IRF8: variants seen among roughly 807,000 people sequenced by gnomAD.
The protein encoded by IRF8 is interferon regulatory factor 8, also known as interferon consensus sequence binding protein 1.
IRF8 carries 14 observed loss-of-function variants against 48.7 expected under a neutral mutation model. The ratio of observed to expected loss-of-function variants is 0.29; its 90% CI spans 0.19 to 0.45. The LOEUF (loss-of-function observed/expected upper bound fraction) is 0.45. IRF8 is among the 20% of genes least tolerant of loss of function. IRF8 has a pLI of 1.00. For missense variants in IRF8, 493 were observed against 580.7 expected, an observed-to-expected ratio of 0.85 and a Z score of 1.55; for synonymous variants, 278 against 227.3, an observed-to-expected ratio of 1.22 and a Z score of -2.01.
intron 7 of IRF8, among the ~76,000 whole-genome samples, chr16:85,919,276 GTGCTGCCTGT>G (rs571505404): frequency 1.6e-3 from 248 of 152,314 alleles, no homozygotes; most frequent in African/African-American, 5.6e-3. Context: ...CACACACTAA[GTGCTGCCTGT>G]TAGCTTTCGT....
intron 1 of IRF8, among the ~76,000 whole-genome samples, chr16:85,900,586 C>T (rs1904797045): frequency 6.6e-6 from 1 of 152,178 alleles, no homozygotes; most frequent in Admixed American, 6.5e-5. Flanking sequence ...TTCTCTGCAC[C>T]ATGTGTGAAA....
rs757846633 is a variant in IRF8 at position 85,913,222 on chromosome 16, A to G, written c.539A>G (p.Gln180Arg). ...CAGCTCCTTCCAGACTGGTGGGCGC[A>G]GCAGCCCAGCACAGGTGAGGGTGGG... Reference protein sequence around the residue: ...RSQLLPDWWAQQPSTGVPLVT... With the variant: ...RSQLLPDWWARQPSTGVPLVT... The change falls in exon 5 of 9, where the codon CAG becomes CGG. Residue 180 changes from glutamine (Q) to arginine (R), a missense_variant. Gln to Arg is a conservative substitution (Grantham distance 43, BLOSUM62 1). Transcript: ENST00000268638. 4.3e-6 allele frequency: 7 copies of G among 1,612,612 alleles called. No individual in the cohort carries two copies. The highest frequency in any genetic ancestry group is 5.9e-6 in the Non-Finnish European group (7 of 1,178,760).
At position 85,917,369 on chromosome 16, in the gene IRF8, G is replaced by C. The variant is rs570454561; in HGVS notation, c.602-1048G>C. 1.4e-4 allele frequency among the ~76,000 whole-genome samples: 21 copies of C among 152,324 alleles called. 1 individual carries two copies. The South Asian group carries it at 3.5e-3, about 26-fold the overall frequency. On this transcript the variant is annotated intron_variant, in intron 6 of 8. Transcript: ENST00000268638. ...ACATGTTATCTGCATTCCTACCTTA[G>C]ATTAGTGTTTTCCAAACTTTGGTCA...
intron 2 of IRF8, among the ~76,000 whole-genome samples, chr16:85,908,151 T>G (rs1026461198): frequency 6.6e-6 from 1 of 152,266 alleles, no homozygotes; most frequent in African/African-American, 2.4e-5. Flanking sequence ...CCTATCATTT[T>G]AGGCTGGAGG....
chr16:85,906,809 C>T (rs1192720706), intron 2 of IRF8, among the ~76,000 whole-genome samples: 1 of 152,046 alleles, frequency 6.6e-6, no homozygotes, highest in East Asian at 1.9e-4. Flanking sequence ...GTTGTCACAG[C>T]TAGGGGAGGG....
intron 8 of IRF8, 49 bp downstream of exon 8, chr16:85,920,273 G>A (rs1905505460): frequency 8.9e-7 from 1 of 1,123,894 alleles, no homozygotes; most frequent in Non-Finnish European, 1.3e-6. Context: ...TTGAGATGGA[G>A]TCTTGCTCTG....
chr16:85,913,724 T>C (rs1905214467), intron 5 of IRF8, among the ~76,000 whole-genome samples: 2 of 152,126 alleles, frequency 1.3e-5, no homozygotes, highest in African/African-American at 4.8e-5. Context: ...GAGCCCTAGA[T>C]TTGAATCCCA....
chr16:85,908,844 T>C, intron 2 of IRF8, 146 bp from the exon 3 acceptor site: 1 of 769,610 alleles, frequency 1.3e-6, no homozygotes, highest in African/African-American at 1.7e-5. Flanking sequence ...CTGATTGGAG[T>C]CTCTTTGGGT....
intron 1 of IRF8, chr16:85,902,712 T>C: frequency 2.3e-6 from 1 of 427,944 alleles, no homozygotes; most frequent in Non-Finnish European, 4.4e-6. Context: ...TGTATCTGCC[T>C]GAAAGGAAAG....
At chr16:85,909,275 T>G (rs1905081570) in intron 3 of IRF8, 102 bp downstream of exon 3, 1 of 885,220 alleles carries the variant, frequency 1.1e-6, no homozygotes, top group African/African-American at 1.7e-5. Context: ...CTGGGGCACA[T>G]AGTTTCAGTT....
intron 1 of IRF8, 82 bp from the exon 2 acceptor site, chr16:85,902,933 T>G: frequency 6.7e-7 from 1 of 1,496,338 alleles, no homozygotes; most frequent in Non-Finnish European, 9.3e-7. Flanking sequence ...AACCTCTGAG[T>G]TTCCTGTTAG....
In IRF8 at chr16:85,909,166, G is replaced by A. The variant is rs770743217; in HGVS notation, c.351G>A (p.Glu117=). The part of the protein sequence containing the change: ...YKVYRIVPEE[E]QKCKLGVATA... ...TTTACCGAATTGTTCCTGAGGAAGAGCAAAAATGTAACTATCCTTTATGGG... is the reference window on the plus strand; with the variant it reads ...TTTACCGAATTGTTCCTGAGGAAGAACAAAAATGTAACTATCCTTTATGGG... The change falls in exon 3 of 9, where the codon GAG becomes GAA. Residue 117 remains glutamate (E), a synonymous_variant. Transcript: ENST00000268638. 6.2e-7 allele frequency: 1 copy of A among 1,614,070 alleles called. No homozygotes were observed. The highest frequency in any genetic ancestry group is 8.5e-7 in the Non-Finnish European group (1 of 1,179,942).
chr16:85,899,490 T>A (rs533197096), intron 1 of IRF8, among the ~76,000 whole-genome samples: 1 of 152,260 alleles, frequency 6.6e-6, no homozygotes, highest in East Asian at 1.9e-4. Context: ...TCTTTAAATC[T>A]GGTTTACATG....
In IRF8 at chr16:85,918,678, T is replaced by C. The variant is rs1442047225; in HGVS notation, c.863T>C (p.Phe288Ser). The change falls in exon 7 of 9, where the codon TTC becomes TCC. Residue 288 changes from phenylalanine to serine, a missense_variant. By Grantham distance (155) the Phe-to-Ser change is radical. Transcript: ENST00000268638. Reference sequence around the variant, plus strand: ...CTGCACAGCAGCCGGCAGGGCGTGTTCGTCAAGCGGCTGTGCCAGGGCCGC... The same window carrying C: ...CTGCACAGCAGCCGGCAGGGCGTGTCCGTCAAGCGGCTGTGCCAGGGCCGC... Reference protein sequence around the residue: ...VLLHSSRQGVFVKRLCQGRVF... With the variant: ...VLLHSSRQGVSVKRLCQGRVF... The C allele has an allele frequency of 6.2e-7, 1 of 1,611,534 alleles. No homozygotes were observed. Among genetic ancestry groups the C allele is most frequent in the Admixed American group, 1.7e-5 (1 of 60,000 alleles).
chr16:85,914,446 G>A, intron 5 of IRF8, 27 bp from the exon 6 acceptor site: 1 of 1,614,104 alleles, frequency 6.2e-7, no homozygotes, highest in South Asian at 1.1e-5. Flanking sequence ...GGGTGGCTCT[G>A]AGCTTGCTTT....
At chr16:85,902,990 C>T (rs539226642) in intron 1 of IRF8, 25 bp from the exon 2 acceptor site, 2 of 1,613,474 alleles carry the variant, frequency 1.2e-6, no homozygotes, top group Admixed American at 3.3e-5. Context: ...CGTAATATCA[C>T]AGCGTGTATT....
chr16:85,921,606 TC>T lies in IRF8; in HGVS notation c.*325del. The T allele has an allele frequency of 2.7e-6, 1 of 371,388 alleles. No individual in the cohort carries two copies. Among genetic ancestry groups the T allele is most frequent in the Non-Finnish European group, 5.1e-6 (1 of 197,074 alleles). The allele number at this position is 371,388 out of a possible 1,614,324, so 23.0% of individuals were successfully genotyped here. ...GTTAACTATCATTTCCAAAGACTTG[TC>T]ATTCAGTAATATTAGCAGATAGCTG... On this transcript the variant is annotated 3_prime_UTR_variant, in exon 9 of 9. Coordinates refer to ENST00000268638, the MANE Select transcript of IRF8 (RefSeq NM_002163.4).
chr16:85,909,230 C>T, intron 3 of IRF8, 57 bp downstream of exon 3: 2 of 1,465,574 alleles, frequency 1.4e-6, no homozygotes, highest in Non-Finnish European at 1.9e-6. Flanking sequence ...CTGTAGCCTT[C>T]ACCACAGAAC....
chr16:85,913,571 C>T (rs1160732499), intron 5 of IRF8, among the ~76,000 whole-genome samples: 1 of 152,236 alleles, frequency 6.6e-6, no homozygotes, highest in African/African-American at 2.4e-5. Context: ...AGATGCAGCT[C>T]TTGGCCACGC....
Sources: allele counts gnomAD v4.1 joint callset (sites outside exome capture counted in the v4.1 genomes callset), GRCh38; gene constraint gnomAD v4.1.1; transcripts MANE v1.5; gene names NCBI Gene and HGNC (gene_info 2026-07-23, HGNC 2026-07-21).